Variants in WDR70 observed in about 807,000 individuals in gnomAD.
WDR70 encodes the protein WD repeat domain 70.
WDR70 carries 53 observed loss-of-function variants against 88.6 expected under a neutral mutation model. The ratio of observed to expected loss-of-function variants is 0.60; its 90% CI spans 0.48 to 0.75. The LOEUF (loss-of-function observed/expected upper bound fraction) is 0.75, where lower values mean the gene tolerates loss of function less well. Among genes scored for constraint, WDR70 ranks in the 30% least tolerant of loss-of-function variants. WDR70 has a pLI of 0.00. For missense variants in WDR70, 610 were observed against 823.2 expected, an observed-to-expected ratio of 0.74 and a Z score of 3.17; for synonymous variants, 280 against 270.0, an observed-to-expected ratio of 1.04 and a Z score of -0.36.
intron 5 of WDR70, among the ~76,000 whole-genome samples, chr5:37,416,505 G>C (rs1581262021): frequency 6.7e-6 from 1 of 150,080 alleles, no homozygotes; most frequent in East Asian, 1.9e-4. Flanking sequence ...CGTGGAAAGA[G>C]AGGGAGAGGG....
Position 37,681,543 on chromosome 5 carries a change from C to A in WDR70, c.1093-16112C>A, listed in dbSNP as rs200958236. ...TCAATGCATCCAGTTTTCACCCATT[C>A]ATTATGATGTTGGCTGTGGGTTTGT... On this transcript the variant is annotated intron_variant, in intron 10 of 17. Coordinates refer to ENST00000265107, the MANE Select transcript of WDR70 (RefSeq NM_018034.4). Among the ~76,000 whole-genome samples, 16 of 151,576 alleles carry A rather than the reference C, an allele frequency of 1.1e-4. No individual in the cohort carries two copies. In the East Asian group the frequency reaches 3.1e-3, roughly 29 times the overall value.
chr5:37,442,576 G>A (rs1750689987), intron 6 of WDR70, among the ~76,000 whole-genome samples: 3 of 152,062 alleles, frequency 2.0e-5, no homozygotes, highest in African/African-American at 7.2e-5. Flanking sequence ...CCCTGCCTTG[G>A]CCTCCCGAAG....
intron 10 of WDR70, among the ~76,000 whole-genome samples, chr5:37,647,110 C>T (rs1411583641): frequency 6.6e-6 from 1 of 152,132 alleles, no homozygotes; most frequent in Non-Finnish European, 1.5e-5. Flanking sequence ...TCTTCAAGCT[C>T]ACTAATTCTT....
chr5:37,604,956 TTA>T, intron 9 of WDR70, 106 bp from the exon 10 acceptor site: 1 of 915,932 alleles, frequency 1.1e-6, no homozygotes, highest in Non-Finnish European at 1.5e-6. Flanking sequence ...ATTATTAGAT[TTA>T]TGTGCCAAAA....
Position 37,401,190 on chromosome 5 carries a change from T to TA in WDR70, c.492+4621dup, listed in dbSNP as rs1554137089. On this transcript the variant is annotated intron_variant, in intron 5 of 17. Transcript: ENST00000265107. ...TTTTTTTTTTTTTTTTTTTTTTTTTTAGTAGAGATGAGGTCTTACTACATT... is the reference window on the plus strand; with the variant it reads ...TTTTTTTTTTTTTTTTTTTTTTTTTTAAGTAGAGATGAGGTCTTACTACATT... Among the ~76,000 whole-genome samples the TA allele has an allele frequency of 1.1e-3, 146 of 137,242 alleles. 4 individuals carry two copies. The highest frequency in any genetic ancestry group is 3.9e-3 in the African/African-American group (128 of 32,712). The allele number at this position is 137,242 out of a possible 152,430, so 90.0% of individuals were successfully genotyped here. A position where few individuals can be genotyped will look rare whatever the true frequency, so the allele number is the denominator to read the frequency against.
rs1747985552 is a variant in WDR70 at position 37,726,879 on chromosome 5, A to G, written c.1715-4A>G. 6.4e-7 allele frequency: 1 copy of G among 1,574,712 alleles called. No individual in the cohort carries two copies. The highest frequency in any genetic ancestry group is 8.6e-7 in the Non-Finnish European group (1 of 1,165,868). The stretch of plus-strand genomic sequence containing the variant: ...CTAATTTGGTTTTTTTTCTTTTGCA[A>G]TAGGTCGTGGTGGCCGAGTTGGAAC... On this transcript the variant is annotated splice_polypyrimidine_tract_variant and splice_region_variant and intron_variant, in intron 16 of 17. Coordinates refer to ENST00000265107, the MANE Select transcript of WDR70 (RefSeq NM_018034.4).
intron 7 of WDR70, among the ~76,000 whole-genome samples, chr5:37,460,892 A>C (rs1328791591): frequency 2.0e-5 from 3 of 151,870 alleles, no homozygotes; most frequent in Non-Finnish European, 2.9e-5. Context: ...TTTAAAAACT[A>C]AATATGAGAT....
intron 10 of WDR70, among the ~76,000 whole-genome samples, chr5:37,656,025 T>A (rs1215995679): frequency 6.8e-6 from 1 of 146,202 alleles, no homozygotes; most frequent in African/African-American, 2.5e-5. Flanking sequence ...GACGTTCTGG[T>A]TTTTGGAATT....
intron 9 of WDR70, among the ~76,000 whole-genome samples, chr5:37,561,552 A>G (rs1742502937): frequency 6.6e-6 from 1 of 152,222 alleles, no homozygotes; most frequent in Non-Finnish European, 1.5e-5. Flanking sequence ...GTTCTCTAGA[A>G]TCAGGAAGAA....
chr5:37,588,124 A>G (rs1743418700), intron 9 of WDR70, among the ~76,000 whole-genome samples: 1 of 152,154 alleles, frequency 6.6e-6, no homozygotes. Context: ...AGATCAATAG[A>G]TAGATACTAA....
At chr5:37,749,466 A>T (rs1458252553) in intron 17 of WDR70, among the ~76,000 whole-genome samples, 1 of 152,048 alleles carries the variant, frequency 6.6e-6, no homozygotes, top group East Asian at 1.9e-4. Context: ...AGGGAAAGGA[A>T]CTTAGAGGAC....
chr5:37,499,759 C>G (rs1249651682), intron 8 of WDR70, among the ~76,000 whole-genome samples: 1 of 151,708 alleles, frequency 6.6e-6, no homozygotes, highest in Non-Finnish European at 1.5e-5. Context: ...TGGCATTTTG[C>G]TCAGGCTGGT....
intron 9 of WDR70, among the ~76,000 whole-genome samples, chr5:37,538,208 C>T (rs995871231): frequency 6.6e-5 from 10 of 152,060 alleles, no homozygotes; most frequent in Admixed American, 1.3e-4. Context: ...TCTTCTTTTT[C>T]GCATTCTTGC....
intron 10 of WDR70, among the ~76,000 whole-genome samples, chr5:37,668,495 C>T (rs1297554581): frequency 6.6e-6 from 1 of 152,164 alleles, no homozygotes; most frequent in Non-Finnish European, 1.5e-5. Flanking sequence ...TTTAGAGTGC[C>T]TAAGTGATAT....
chr5:37,739,261 G>T (rs1470757887), intron 17 of WDR70, among the ~76,000 whole-genome samples: 1 of 152,170 alleles, frequency 6.6e-6, no homozygotes, highest in Non-Finnish European at 1.5e-5. Flanking sequence ...CTCCAGTGAG[G>T]CTTGCTAGAT....
chr5:37,520,395 A>G (rs954360138), intron 9 of WDR70, among the ~76,000 whole-genome samples: 2 of 152,080 alleles, frequency 1.3e-5, no homozygotes, highest in African/African-American at 2.4e-5. Context: ...GAATGTGACT[A>G]AAATAAAATA....
At chr5:37,678,460 G>A (rs1485084046) in intron 10 of WDR70, among the ~76,000 whole-genome samples, 1 of 152,148 alleles carries the variant, frequency 6.6e-6, no homozygotes, top group East Asian at 1.9e-4. Flanking sequence ...TTGCTTGTCT[G>A]TAAAGGATTT....
At chr5:37,710,937 A>C (rs1240385330) in intron 13 of WDR70, among the ~76,000 whole-genome samples, 1 of 151,854 alleles carries the variant, frequency 6.6e-6, no homozygotes, top group Non-Finnish European at 1.5e-5. Context: ...GAGTCCTCAG[A>C]TAGGTCTCTG....
intron 10 of WDR70, among the ~76,000 whole-genome samples, chr5:37,635,137 T>C (rs1051758841): frequency 4.6e-5 from 7 of 152,154 alleles, no homozygotes; most frequent in African/African-American, 1.4e-4. Flanking sequence ...ACTACTTTGC[T>C]TAGGACCTCT....
Sources: gnomAD v4.1 joint callset for allele counts (sites outside exome capture counted in the v4.1 genomes callset) on GRCh38, gnomAD v4.1.1 for gene constraint, MANE v1.5 for transcripts, NCBI Gene and HGNC (gene_info 2026-07-23, HGNC 2026-07-21) for gene names.